Variants in VAT1L observed in about 807,000 individuals in gnomAD.
VAT1L encodes putative NADPH-dependent quinone oxidoreductase VAT1L.
In VAT1L, 34 loss-of-function variants were observed where a neutral mutation model predicts 44.1. That is an observed-to-expected ratio of 0.77 (90% CI 0.59 to 1.03). VAT1L has a LOEUF of 1.03. Among genes scored for constraint, VAT1L ranks in the 50% least tolerant of loss-of-function variants. VAT1L has a pLI of 0.00. For synonymous variants in VAT1L, 253 were observed against 202.2 expected, an observed-to-expected ratio of 1.25 and a Z score of -2.13; for missense variants, 615 against 538.8, an observed-to-expected ratio of 1.14 and a Z score of -1.40.
chr16:77,915,600 G>A (rs1442335641), intron 7 of VAT1L, among the ~76,000 whole-genome samples: 3 of 152,194 alleles, frequency 2.0e-5, no homozygotes, highest in African/African-American at 7.2e-5. Context: ...AAACCTTGAA[G>A]GAAGTGCATG....
At chr16:77,794,218 G>C (rs1370892195) in intron 1 of VAT1L, among the ~76,000 whole-genome samples, 4 of 152,180 alleles carry the variant, frequency 2.6e-5, no homozygotes, top group Admixed American at 2.6e-4. Context: ...TACAGAGAAA[G>C]AGCCATGAAT....
intron 2 of VAT1L, among the ~76,000 whole-genome samples, chr16:77,824,119 C>T (rs995666063): frequency 2.6e-5 from 4 of 152,200 alleles, no homozygotes; most frequent in African/African-American, 9.6e-5. Flanking sequence ...ATGGGGACTA[C>T]ATTTTTGAGA....
intron 7 of VAT1L, among the ~76,000 whole-genome samples, chr16:77,929,817 C>A (rs920606909): frequency 1.3e-5 from 2 of 152,168 alleles, no homozygotes; most frequent in Non-Finnish European, 2.9e-5. Context: ...AGTGGAAGAA[C>A]TGGTATCGGA....
intron 1 of VAT1L, among the ~76,000 whole-genome samples, chr16:77,812,310 T>A (rs1160909989): frequency 6.6e-6 from 1 of 152,130 alleles, no homozygotes; most frequent in African/African-American, 2.4e-5. Context: ...TGACCTCAGG[T>A]AATCCACCTG....
chr16:77,896,179 G>A (rs384265), intron 7 of VAT1L, among the ~76,000 whole-genome samples: 136,509 of 151,920 alleles, frequency 0.9, 61,825 homozygotes, highest in Non-Finnish European at 0.95. Context: ...GAGACTCTGA[G>A]CCTCCCTGCC....
chr16:77,972,039 G>C, intron 8 of VAT1L, 106 bp downstream of exon 8: 1 of 1,027,928 alleles, frequency 9.7e-7, no homozygotes, highest in East Asian at 2.5e-5. Flanking sequence ...TAGCCTGTGG[G>C]CTAGTGGAGG....
chr16:77,875,764 TG>T (rs2017081060), intron 4 of VAT1L, among the ~76,000 whole-genome samples: 1 of 152,202 alleles, frequency 6.6e-6, no homozygotes, highest in African/African-American at 2.4e-5. Flanking sequence ...AGTTTTAGGT[TG>T]GACCTAGACA....
chr16:77,884,776 G>A lies in VAT1L; in HGVS notation c.1051G>A (p.Val351Met), dbSNP rs552928561. 1.3e-6 allele frequency: 2 copies of A among 1,558,050 alleles called. No individual in the cohort carries two copies. The highest frequency in any genetic ancestry group is 2.4e-5 in the East Asian group (1 of 41,890). ...CAACCAGAAGAAGATCAAGCCTGTG[G>A]TGGACTCCTTGTGGGCTCTGGAGGA... ...LYNQKKIKPV[V>M]DSLWALEEVK... The change falls in exon 7 of 9, where the codon GTG becomes ATG. Residue 351 changes from valine to methionine, a missense_variant. By Grantham distance (21) the Val-to-Met change is conservative. Transcript: ENST00000302536. This position sits in a 1 kb window ranked among gnomAD's most constrained non-coding sequence, Gnocchi z 4.5.
chr16:77,788,623 C>A lies in VAT1L; in HGVS notation c.-60C>A, dbSNP rs2015769786. ...GAACCCGCGGGAGAGGAGCCCCACT[C>A]CCCCAGCGCCGCAGCCACCGCAGCC... On this transcript the variant is annotated 5_prime_UTR_variant, in exon 1 of 9. Transcript: ENST00000302536. The A allele has an allele frequency of 6.5e-7, 1 of 1,530,552 alleles. No individual in the cohort carries two copies. Among genetic ancestry groups the A allele is most frequent in the Non-Finnish European group, 8.8e-7 (1 of 1,134,512 alleles). 94.8% of individuals were successfully genotyped at this position (1,530,552 alleles called of 1,614,324 possible).
At chr16:77,904,913 T>TAGCC (rs2017423567) in intron 7 of VAT1L, among the ~76,000 whole-genome samples, 1 of 152,128 alleles carries the variant, frequency 6.6e-6, no homozygotes, top group South Asian at 2.1e-4. Flanking sequence ...ACACCTACTA[T>TAGCC]TTACCAAGCC....
intron 2 of VAT1L, among the ~76,000 whole-genome samples, chr16:77,821,533 T>G (rs2016453480): frequency 6.6e-6 from 1 of 152,150 alleles, no homozygotes; most frequent in African/African-American, 2.4e-5. Flanking sequence ...CCTCAAGTAA[T>G]CTATGTTCCT....
In VAT1L at chr16:77,944,399, C is replaced by T. The variant is rs116208533; in HGVS notation, c.1078-27451C>T. Among the ~76,000 whole-genome samples, 568 of 152,212 alleles carry T rather than the reference C, an allele frequency of 3.7e-3. 3 individuals carry two copies. Among genetic ancestry groups the T allele is most frequent in the African/African-American group, 0.013 (521 of 41,522 alleles). ...CCAGGCAGAGGTATAAAGATGTCTC[C>T]GACTTGTTAAAGCAATAAATGACCG... On this transcript the variant is annotated intron_variant, in intron 7 of 8. Coordinates refer to ENST00000302536, the MANE Select transcript of VAT1L (RefSeq NM_020927.3).
Position 77,801,961 on chromosome 16 carries a change from C to T in VAT1L, c.233+13046C>T, listed in dbSNP as rs148517171. Among the ~76,000 whole-genome samples the T allele has an allele frequency of 1.8e-3, 267 of 152,238 alleles. 1 individual carries two copies. Among genetic ancestry groups the T allele is most frequent in the African/African-American group, 5.5e-3 (229 of 41,534 alleles). On this transcript the variant is annotated intron_variant, in intron 1 of 8. Coordinates refer to ENST00000302536, the MANE Select transcript of VAT1L (RefSeq NM_020927.3). ...TGCAGCCGGAATCGACGATGCATGA[C>T]GCAGCCATCCATGCGCCCACCTTCC...
chr16:77,963,951 C>T (rs141050201), intron 7 of VAT1L, among the ~76,000 whole-genome samples: 87 of 152,252 alleles, frequency 5.7e-4, no homozygotes, highest in African/African-American at 2.0e-3. Context: ...AAGGGCCTTC[C>T]GTGGTGCAAA....
chr16:77,937,575 T>C (rs1014077490), intron 7 of VAT1L, among the ~76,000 whole-genome samples: 3 of 152,212 alleles, frequency 2.0e-5, no homozygotes, highest in Admixed American at 2.0e-4. Context: ...GAGAAGTGAT[T>C]TCCTTGTAAT....
At chr16:77,916,278 C>T (rs922787765) in intron 7 of VAT1L, among the ~76,000 whole-genome samples, 2 of 152,148 alleles carry the variant, frequency 1.3e-5, no homozygotes, top group African/African-American at 4.8e-5. Context: ...CTTGGAAATG[C>T]TGCCTCCTCT....
intron 7 of VAT1L, among the ~76,000 whole-genome samples, chr16:77,926,271 A>AC (rs2017667777): frequency 6.7e-6 from 1 of 149,084 alleles, no homozygotes; most frequent in African/African-American, 2.5e-5. Context: ...AAAAAAAAAA[A>AC]AAAAAATAGG....
chr16:77,887,680 G>A (rs531503447), intron 7 of VAT1L, among the ~76,000 whole-genome samples: 3 of 152,308 alleles, frequency 2.0e-5, no homozygotes, highest in Admixed American at 2.0e-4. Flanking sequence ...CAGCACTAAT[G>A]AGAGATGAGA....
intron 7 of VAT1L, among the ~76,000 whole-genome samples, chr16:77,911,472 T>C (rs1244440645): frequency 3.9e-5 from 6 of 152,136 alleles, no homozygotes; most frequent in African/African-American, 1.4e-4. Flanking sequence ...TAGGACCCTA[T>C]ATGGACCCTC....
Sources: gnomAD v4.1 joint callset for allele counts (sites outside exome capture counted in the v4.1 genomes callset) on GRCh38, gnomAD v4.1.1 for gene constraint, Gnocchi (gnomAD v3.1) non-coding constraint, MANE v1.5 for transcripts, NCBI Gene and HGNC (gene_info 2026-07-23, HGNC 2026-07-21) for gene names.